ULK4: variants seen among roughly 807,000 people sequenced by gnomAD.
The protein encoded by ULK4 is inactive serine/threonine-protein kinase ULK4.
ULK4 carries 133 observed loss-of-function variants against 160.6 expected under a neutral mutation model. The observed-to-expected ratio is 0.83, with a 90% confidence interval of 0.72 to 0.96. The LOEUF is 0.96. Among genes scored for constraint, ULK4 ranks in the 40% least tolerant of loss-of-function variants. ULK4 has a pLI of 0.00. For missense variants in ULK4, 1,580 were observed against 1,499.5 expected, an observed-to-expected ratio of 1.05 and a Z score of -0.89; for synonymous variants, 534 against 539.8, an observed-to-expected ratio of 0.99 and a Z score of 0.15.
At chr3:41,674,391 G>A (rs868608369) in intron 29 of ULK4, among the ~76,000 whole-genome samples, 4 of 152,158 alleles carry the variant, frequency 2.6e-5, no homozygotes, top group Non-Finnish European at 5.9e-5. Flanking sequence ...GTTAAACACT[G>A]CCTCTTCTCT....
Position 41,246,809 on chromosome 3 carries a change from G to T in ULK4, c.*120C>A. On this transcript the variant is annotated 3_prime_UTR_variant, in exon 37 of 37. Coordinates refer to ENST00000301831, the MANE Select transcript of ULK4 (RefSeq NM_017886.4). ...GGGCCACCAGGTTCTGGGTTAAGCT[G>T]ACTTTATTAGGTCCAAAGACAGCTG... 1 of 1,252,748 alleles carries T rather than the reference G, an allele frequency of 8.0e-7. No homozygotes were observed. Among genetic ancestry groups the T allele is most frequent in the South Asian group, 1.4e-5 (1 of 69,584 alleles). The allele number at this position is 1,252,748 out of a possible 1,614,324, so 77.6% of individuals were successfully genotyped here.
chr3:41,710,893 A>T (rs1465990197), intron 25 of ULK4, among the ~76,000 whole-genome samples: 1 of 151,792 alleles, frequency 6.6e-6, no homozygotes, highest in African/African-American at 2.4e-5. Context: ...CAGGATGGTG[A>T]GCAGAAAGCA....
intron 34 of ULK4, among the ~76,000 whole-genome samples, chr3:41,399,584 T>C (rs138639703): frequency 4.1e-4 from 62 of 152,236 alleles, no homozygotes; most frequent in African/African-American, 1.5e-3. Flanking sequence ...TTTGTTTTTG[T>C]TTTTTGGGAG....
At chr3:41,715,142 G>C (rs1559503593) in intron 25 of ULK4, 95 bp downstream of exon 25, 1 of 1,257,576 alleles carries the variant, frequency 8.0e-7, no homozygotes, top group South Asian at 1.3e-5. Flanking sequence ...AATACCAACA[G>C]GATTTTTAAA....
At chr3:41,883,360 C>T (rs1466089545) in intron 17 of ULK4, among the ~76,000 whole-genome samples, 1 of 152,182 alleles carries the variant, frequency 6.6e-6, no homozygotes, top group Non-Finnish European at 1.5e-5. Context: ...TTGCTGTTTC[C>T]CCTAAAAGCC....
intron 35 of ULK4, among the ~76,000 whole-genome samples, chr3:41,374,627 G>A (rs991518634): frequency 2.6e-5 from 4 of 152,044 alleles, no homozygotes; most frequent in African/African-American, 7.2e-5. Context: ...AGGTATTGAC[G>A]GAACATATCT....
chr3:41,326,036 G>A (rs1392522258), intron 35 of ULK4, among the ~76,000 whole-genome samples: 2 of 151,998 alleles, frequency 1.3e-5, no homozygotes, highest in Non-Finnish European at 2.9e-5. Context: ...ATAAAATCAG[G>A]TCTTTATCAT....
chr3:41,476,843 C>T (rs1000187414), intron 32 of ULK4, among the ~76,000 whole-genome samples: 4 of 152,060 alleles, frequency 2.6e-5, no homozygotes, highest in African/African-American at 9.7e-5. Flanking sequence ...ATATTAACAT[C>T]CGAGACTGAA....
chr3:41,833,275 T>G (rs574680658), intron 18 of ULK4, among the ~76,000 whole-genome samples: 1 of 111,078 alleles, frequency 9.0e-6, no homozygotes, highest in African/African-American at 9.7e-5. Flanking sequence ...TCTTAAGTTG[T>G]TTTTTTTTTT....
chr3:41,938,037 C>G (rs1699833492), intron 3 of ULK4, 61 bp downstream of exon 3: 1 of 1,305,406 alleles, frequency 7.7e-7, no homozygotes, highest in South Asian at 1.7e-5. Flanking sequence ...AGTAACAAAA[C>G]TTAACAGCAT....
intron 16 of ULK4, among the ~76,000 whole-genome samples, chr3:41,892,385 C>G (rs1431969409): frequency 6.6e-6 from 1 of 152,158 alleles, no homozygotes; most frequent in African/African-American, 2.4e-5. Flanking sequence ...AAAACAAAAA[C>G]AGAAAACACT....
intron 32 of ULK4, among the ~76,000 whole-genome samples, chr3:41,547,094 A>G (rs2086890239): frequency 6.6e-6 from 1 of 152,218 alleles, no homozygotes; most frequent in African/African-American, 2.4e-5. Context: ...CATAAGAGAA[A>G]GCCAATATGC....
rs192994614 is a variant in ULK4 at position 41,898,446 on chromosome 3, A to G, written c.1334T>C (p.Leu445Pro). 3.2e-5 allele frequency: 51 copies of G among 1,596,302 alleles called. No individual in the cohort carries two copies. In the African/African-American group the frequency reaches 6.1e-4, roughly 19 times the overall value. The change falls in exon 14 of 37, where the codon CTA becomes CCA. Residue 445 changes from leucine (L) to proline (P), a missense_variant. Transcript: ENST00000301831. ...TATGATCCTACCTGAATATGTTGGT[A>G]GATGCAATATTTTTGCATCAAATTT... is the stretch of plus-strand genomic sequence containing the variant. ...PVKFDAKILH[L>P]PTYSVDKLLF...
intron 22 of ULK4, among the ~76,000 whole-genome samples, chr3:41,746,272 CAAAA>C (rs34582395): frequency 2.5e-3 from 113 of 45,712 alleles, no homozygotes; most frequent in African/African-American, 0.012. Flanking sequence ...CTGGAACCCA[CAAAA>C]AAAAAAAAAA....
At chr3:41,482,565 A>C (rs1180571904) in intron 32 of ULK4, among the ~76,000 whole-genome samples, 1 of 152,184 alleles carries the variant, frequency 6.6e-6, no homozygotes, top group Non-Finnish European at 1.5e-5. Flanking sequence ...ATGGTGAGTT[A>C]AGTTTCTAAT....
At chr3:41,859,285 G>A (rs890642443) in intron 17 of ULK4, 2 of 555,480 alleles carry the variant, frequency 3.6e-6, no homozygotes, top group South Asian at 1.5e-5. Flanking sequence ...AGGTGATTTT[G>A]CATCTAGAAG....
intron 32 of ULK4, among the ~76,000 whole-genome samples, chr3:41,522,152 A>T (rs1383826030): frequency 1.4e-5 from 2 of 143,988 alleles, no homozygotes. Flanking sequence ...TTTGAGACCG[A>T]GTCTTACTCT....
intron 31 of ULK4, among the ~76,000 whole-genome samples, chr3:41,569,092 T>C (rs1255511979): frequency 6.6e-6 from 1 of 152,188 alleles, no homozygotes; most frequent in African/African-American, 2.4e-5. Flanking sequence ...CTTCTGTGTC[T>C]TCCCCGGGCA....
chr3:41,699,337 A>T (rs915646596), intron 27 of ULK4, among the ~76,000 whole-genome samples: 4 of 152,362 alleles, frequency 2.6e-5, no homozygotes, highest in Non-Finnish European at 5.9e-5. Context: ...AAAAATTTAC[A>T]AAAGGATAGG....
Sources: gnomAD v4.1 joint callset for allele counts (sites outside exome capture counted in the v4.1 genomes callset) on GRCh38, gnomAD v4.1.1 for gene constraint, MANE v1.5 for transcripts, NCBI Gene and HGNC (gene_info 2026-07-23, HGNC 2026-07-21) for gene names.